Variants in ADAMTS2 observed in about 807,000 individuals in gnomAD.
The protein encoded by ADAMTS2 is A disintegrin and metalloproteinase with thrombospondin motifs 2.
A neutral mutation model predicts 123.0 loss-of-function variants in ADAMTS2; 50 were observed. The ratio of observed to expected loss-of-function variants is 0.41; its 90% CI spans 0.32 to 0.51. The LOEUF is 0.51. Ranked by LOEUF, ADAMTS2 falls within the 20% of genes least tolerant of loss-of-function variation. The probability of loss-of-function intolerance (pLI) is 0.35; values close to 1 mark genes in which losing one functional copy is unlikely to be tolerated. For missense variants in ADAMTS2, 1,494 were observed against 1,705.2 expected (o/e 0.88, Z 2.18); for synonymous variants, 678 against 695.4 (o/e 0.98, Z 0.39).
Position 179,125,120 on chromosome 5 carries a change from C to T in ADAMTS2, c.2811G>A (p.Val937=), listed in dbSNP as rs557019144. The change falls in exon 19 of 22, where the codon GTG becomes GTA. Residue 937 remains valine (V), a synonymous_variant. Coordinates refer to ENST00000251582, the MANE Select transcript of ADAMTS2 (RefSeq NM_014244.5). The part of the protein sequence containing the change: ...SQTCGRTGMQ[V]RSVRCIQPLH... ...GCGGCTGAATGCAGCGCACGGAGCG[C>T]ACCTGCATGCCTGTCCGCCCACAGG... 51 of 1,613,020 alleles carry T rather than the reference C, an allele frequency of 3.2e-5. No individual in the cohort carries two copies. In the Middle Eastern group the frequency reaches 2.1e-3, roughly 68 times the overall value.
rs1764026662 is a variant in ADAMTS2 at position 179,180,781 on chromosome 5, C to T, written c.975+291G>A. 6.6e-6 allele frequency among the ~76,000 whole-genome samples: 1 copy of T among 152,208 alleles called. No individual in the cohort carries two copies. The highest frequency in any genetic ancestry group is 2.4e-5 in the African/African-American group (1 of 41,450). Reference sequence around the variant, plus strand: ...GCTGTTTACCCAATTCCCTCTGCCTCCTGACCACCCCTGGTGCCTCCCTGT... The same window carrying T: ...GCTGTTTACCCAATTCCCTCTGCCTTCTGACCACCCCTGGTGCCTCCCTGT... On this transcript the variant is annotated intron_variant, in intron 5 of 21. Coordinates refer to ENST00000251582, the MANE Select transcript of ADAMTS2 (RefSeq NM_014244.5). This position sits in a 1 kb window ranked among gnomAD's most constrained non-coding sequence, Gnocchi z 4.6.
intron 2 of ADAMTS2, among the ~76,000 whole-genome samples, chr5:179,296,168 C>A (rs1400542331): frequency 2.0e-5 from 3 of 152,144 alleles, no homozygotes; most frequent in Admixed American, 6.5e-5. Flanking sequence ...AGGATCCACA[C>A]CTCTGTGGTC....
Position 179,132,551 on chromosome 5 carries a change from CCT to C in ADAMTS2, c.2209+224_2209+225del, listed in dbSNP as rs1029716689. On this transcript the variant is annotated intron_variant, in intron 14 of 21. Coordinates refer to ENST00000251582, the MANE Select transcript of ADAMTS2 (RefSeq NM_014244.5). This position sits in a 1 kb window ranked among gnomAD's most constrained non-coding sequence, Gnocchi z 6.1. Reference sequence around the variant, plus strand: ...TATACTGGCATTCTCCACTCTAACCCCTGTGACCCCGGCCCCCACTCTCCTCT... The same window carrying C: ...TATACTGGCATTCTCCACTCTAACCCGTGACCCCGGCCCCCACTCTCCTCT... Among the ~76,000 whole-genome samples the C allele has an allele frequency of 2.0e-5, 3 of 152,124 alleles. No homozygotes were observed. The highest frequency in any genetic ancestry group is 7.2e-5 in the African/African-American group (3 of 41,422).
At chr5:179,179,029 C>T (rs927649358) in intron 5 of ADAMTS2, among the ~76,000 whole-genome samples, 12 of 152,208 alleles carry the variant, frequency 7.9e-5, no homozygotes, top group Non-Finnish European at 2.9e-5. Context: ...ACTGCAACCT[C>T]TGCCTCCCGG....
chr5:179,282,044 T>C (rs1033714487), intron 2 of ADAMTS2, among the ~76,000 whole-genome samples: 1 of 152,168 alleles, frequency 6.6e-6, no homozygotes, highest in Non-Finnish European at 1.5e-5. Context: ...TAGACACAAA[T>C]CCCTTATTAG....
intron 3 of ADAMTS2, among the ~76,000 whole-genome samples, chr5:179,254,413 G>T (rs1260794357): frequency 6.6e-6 from 1 of 152,212 alleles, no homozygotes; most frequent in African/African-American, 2.4e-5. Flanking sequence ...TGCTCTGGGT[G>T]CAGGGTTCCC....
Position 179,136,005 on chromosome 5 carries a change from C to A in ADAMTS2, c.1989G>T (p.Glu663Asp). Residue 663 changes from glutamate (E) to aspartate (D), a missense_variant, in exon 13 of 22, where the codon GAG (glutamate) becomes GAT (aspartate). Glu to Asp is a conservative substitution (Grantham distance 45, BLOSUM62 2). Around this residue, in one of 6 missense-constraint regions of ADAMTS2, gnomAD observed 953 missense variants for 1,124.7 expected, o/e 0.85. Coordinates refer to ENST00000251582, the MANE Select transcript of ADAMTS2 (RefSeq NM_014244.5). ...GCTTCATGGACACCACCTCCCCGGT[C>A]TCCCTGGACTCGCAGTACAGGTGGC... ...ERCHLYCESR[E>D]TGEVVSMKRM... The A allele has an allele frequency of 6.2e-7, 1 of 1,613,472 alleles. No individual in the cohort carries two copies.
chr5:179,195,218 CA>C (rs1760878834), intron 4 of ADAMTS2, among the ~76,000 whole-genome samples: 1 of 152,208 alleles, frequency 6.6e-6, no homozygotes, highest in Non-Finnish European at 1.5e-5. Context: ...TGACTGAGGA[CA>C]GCTCCCAATC....
chr5:179,137,073 AGCCTTTATCTGAGGC>A (rs1763078164), intron 12 of ADAMTS2, among the ~76,000 whole-genome samples: 1 of 151,976 alleles, frequency 6.6e-6, no homozygotes. Flanking sequence ...TTCCCTTCTC[AGCCTTTATCTGAGGC>A]AACTAAAACG....
chr5:179,297,416 C>T (rs1231928965), intron 2 of ADAMTS2, among the ~76,000 whole-genome samples: 10 of 152,092 alleles, frequency 6.6e-5, no homozygotes, highest in Admixed American at 6.5e-4. Flanking sequence ...CCTGAGATTG[C>T]TGCTTCTCGG....
chr5:179,247,957 G>C (rs1765841651), intron 3 of ADAMTS2, among the ~76,000 whole-genome samples: 1 of 152,002 alleles, frequency 6.6e-6, no homozygotes, highest in Non-Finnish European at 1.5e-5. Flanking sequence ...CTAATAAAGG[G>C]AACCCCAAAA....
intron 4 of ADAMTS2, among the ~76,000 whole-genome samples, chr5:179,199,858 T>G (rs1764521229): frequency 6.6e-6 from 1 of 152,222 alleles, no homozygotes; most frequent in Admixed American, 6.5e-5. Flanking sequence ...GCATTTAAAA[T>G]AGCCATCGCA....
At position 179,154,034 on chromosome 5, in the gene ADAMTS2, A is replaced by G; in HGVS notation, c.1382+15T>C. The G allele has an allele frequency of 5.0e-6, 8 of 1,595,266 alleles. No homozygotes were observed. Among genetic ancestry groups the G allele is most frequent in the Admixed American group, 1.7e-5 (1 of 57,440 alleles). On this transcript the variant is annotated intron_variant, in intron 8 of 21. Coordinates refer to ENST00000251582, the MANE Select transcript of ADAMTS2 (RefSeq NM_014244.5). Reference sequence around the variant, plus strand: ...GACTGAGGGGTCGCCCACGGGGCACATGGGCAGTACTCACTGCAGGTAGCG... The same window carrying G: ...GACTGAGGGGTCGCCCACGGGGCACGTGGGCAGTACTCACTGCAGGTAGCG...
At chr5:179,286,247 T>C (rs1214437001) in intron 2 of ADAMTS2, among the ~76,000 whole-genome samples, 1 of 143,412 alleles carries the variant, frequency 7.0e-6, no homozygotes, top group Admixed American at 6.9e-5. Flanking sequence ...AAAGACCCTG[T>C]CGACAGGCCC....
At position 179,307,322 on chromosome 5, in the gene ADAMTS2, C is replaced by G. The variant is rs922735021; in HGVS notation, c.535-34258G>C. Among the ~76,000 whole-genome samples, 1 of 152,182 alleles carries G rather than the reference C, an allele frequency of 6.6e-6. No homozygotes were observed. The highest frequency in any genetic ancestry group is 2.4e-5 in the African/African-American group (1 of 41,450). On this transcript the variant is annotated intron_variant, in intron 2 of 21. Coordinates refer to ENST00000251582, the MANE Select transcript of ADAMTS2 (RefSeq NM_014244.5). The surrounding 1 kb of genome is among the most constrained non-coding windows in gnomAD (Gnocchi z 5.6). ...CCCACAGGAGGTCCACCGGCCCTCT[C>G]AGGGCTCGAGCACCCGGCCAACCCT...
chr5:179,208,455 A>G (rs999230595), intron 3 of ADAMTS2, among the ~76,000 whole-genome samples: 1 of 152,158 alleles, frequency 6.6e-6, no homozygotes, highest in African/African-American at 2.4e-5. Flanking sequence ...CCTCTGTGGC[A>G]GCTCCGCTGC....
chr5:179,252,970 G>A (rs1767923232), intron 3 of ADAMTS2, among the ~76,000 whole-genome samples: 1 of 152,124 alleles, frequency 6.6e-6, no homozygotes, highest in South Asian at 2.1e-4. Context: ...ATCATCTTGG[G>A]GAAATGAACC....
At chr5:179,176,247 G>A (rs886255528) in intron 5 of ADAMTS2, among the ~76,000 whole-genome samples, 3 of 152,092 alleles carry the variant, frequency 2.0e-5, no homozygotes, top group Non-Finnish European at 4.4e-5. Flanking sequence ...GGGGCTACGG[G>A]GCCGTCACGC....
In ADAMTS2 at chr5:179,332,176, T is replaced by C. The variant is rs1354349092; in HGVS notation, c.534+11591A>G. On this transcript the variant is annotated intron_variant, in intron 2 of 21. Coordinates refer to ENST00000251582, the MANE Select transcript of ADAMTS2 (RefSeq NM_014244.5). This position sits in a 1 kb window ranked among gnomAD's most constrained non-coding sequence, Gnocchi z 4.2. ...GAGGCATTTTACTTACTATTTCCAG[T>C]TGATTATTAAAGACACAACCCAGGA... is the stretch of plus-strand genomic sequence containing the variant. Among the ~76,000 whole-genome samples, 1 of 152,210 alleles carries C rather than the reference T, an allele frequency of 6.6e-6. No individual in the cohort carries two copies. Among genetic ancestry groups the C allele is most frequent in the Non-Finnish European group, 1.5e-5 (1 of 68,036 alleles).
Sources: allele counts gnomAD v4.1 joint callset (sites outside exome capture counted in the v4.1 genomes callset), GRCh38; gene constraint gnomAD v4.1.1; regional missense constraint gnomAD v4.1.1; non-coding constraint Gnocchi (gnomAD v3.1); transcripts MANE v1.5; gene names NCBI Gene and HGNC (gene_info 2026-07-23, HGNC 2026-07-21).